The following NBAS variants were observed in gnomAD, a reference collection of about 807,000 sequenced individuals.
NBAS encodes NBAS subunit of NRZ tethering complex.
Under a neutral mutation model 302.5 loss-of-function variants are expected in NBAS, and 219 were observed. The ratio of observed to expected loss-of-function variants is 0.72; its 90% CI spans 0.65 to 0.81. NBAS has a LOEUF of 0.81. NBAS is among the 30% of genes least tolerant of loss of function. The pLI is 0.00. For synonymous variants in NBAS, 1,118 were observed against 1,021.6 expected (o/e 1.09, Z -1.80); for missense variants, 2,932 against 2,841.6 (o/e 1.03, Z -0.72).
the NBAS span, among the ~76,000 whole-genome samples, chr2:15,020,617 C>T: frequency 2.4e-4 from 36 of 152,138 alleles, no homozygotes; most frequent in African/African-American, 8.2e-4. Context: ...GGAAATTTGA[C>T]ATGGGGGGTG....
chr2:15,030,175 T>C, the NBAS span, among the ~76,000 whole-genome samples: 1 of 151,900 alleles, frequency 6.6e-6, no homozygotes, highest in African/African-American at 2.4e-5. Flanking sequence ...GTGTGGAAGG[T>C]GATGTTTTTA....
chr2:15,319,573 C>T (rs773982982), intron 38 of NBAS, among the ~76,000 whole-genome samples: 8 of 151,870 alleles, frequency 5.3e-5, no homozygotes, highest in Non-Finnish European at 8.8e-5. Flanking sequence ...ATATCACCAC[C>T]GATCCCACAG....
the NBAS span, among the ~76,000 whole-genome samples, chr2:14,829,784 G>A: frequency 5.0e-4 from 76 of 152,332 alleles, no homozygotes; most frequent in South Asian, 0.015. Context: ...CACAAAAACC[G>A]AGTGAGTAAA....
At position 15,440,019 on chromosome 2, in the gene NBAS, G is replaced by A. The variant is rs182383978; in HGVS notation, c.2340-12225C>T. On this transcript the variant is annotated intron_variant, in intron 21 of 51. Transcript: ENST00000281513. The stretch of plus-strand genomic sequence containing the variant: ...AGCAGGCGGGAAGCTCGAACTGGGC[G>A]GAGCCCACCACAGCTCAAGGAGGCC... 7.5e-3 allele frequency among the ~76,000 whole-genome samples: 1,147 copies of A among 152,362 alleles called. 13 individuals are homozygous for A. Among genetic ancestry groups the A allele is most frequent in the African/African-American group, 0.026 (1,069 of 41,592 alleles).
intron 9 of NBAS, among the ~76,000 whole-genome samples, chr2:15,533,874 G>A (rs1471886238): frequency 6.6e-6 from 1 of 152,072 alleles, no homozygotes; most frequent in Non-Finnish European, 1.5e-5. Flanking sequence ...TAAACACAGA[G>A]TAAATCTCAA....
At chr2:14,823,472 A>T in the NBAS span, among the ~76,000 whole-genome samples, 2 of 152,226 alleles carry the variant, frequency 1.3e-5, no homozygotes, top group Non-Finnish European at 2.9e-5. Flanking sequence ...AGGAAACAGA[A>T]CCTAGATACA....
rs1439104128 is a variant in NBAS at position 15,227,784 on chromosome 2, G to GA, written c.6236+4637dup. 3.3e-5 allele frequency among the ~76,000 whole-genome samples: 5 copies of GA among 152,132 alleles called. No individual in the cohort carries two copies. In the South Asian group the frequency reaches 8.3e-4, roughly 25 times the overall value. On this transcript the variant is annotated intron_variant, in intron 47 of 51. Coordinates refer to ENST00000281513, the MANE Select transcript of NBAS (RefSeq NM_015909.4). ...TGCTGAGAAAATTAGATAACCACAC[G>GA]AAAAAGAATGAAACTGGACTTCTAT... is the stretch of plus-strand genomic sequence containing the variant.
intron 16 of NBAS, 148 bp downstream of exon 16, chr2:15,473,074 A>T: frequency 1.1e-6 from 1 of 883,812 alleles, no homozygotes; most frequent in East Asian, 2.8e-5. Flanking sequence ...TCTAACAAAA[A>T]GACCATTTTT....
chr2:14,862,141 C>A, the NBAS span, among the ~76,000 whole-genome samples: 2 of 135,728 alleles, frequency 1.5e-5, no homozygotes, highest in East Asian at 1.9e-4. Context: ...TTTATTTAAG[C>A]ATTTTTTTTT....
At chr2:15,319,134 G>T (rs1177854564) in intron 38 of NBAS, among the ~76,000 whole-genome samples, 2 of 152,140 alleles carry the variant, frequency 1.3e-5, no homozygotes. Context: ...TGAACAACCT[G>T]CTCCTGAATA....
intron 23 of NBAS, among the ~76,000 whole-genome samples, chr2:15,423,032 G>A (rs997867887): frequency 2.0e-5 from 3 of 152,146 alleles, no homozygotes; most frequent in South Asian, 2.1e-4. Context: ...AACAACCTAC[G>A]TGGAGTTGAT....
intron 19 of NBAS, among the ~76,000 whole-genome samples, chr2:15,466,473 T>C (rs1283522596): frequency 2.0e-5 from 3 of 152,186 alleles, no homozygotes; most frequent in African/African-American, 7.2e-5. Context: ...TTTAACAATA[T>C]CTAAGTTGGT....
chr2:15,517,779 G>A (rs1019448042), intron 9 of NBAS, among the ~76,000 whole-genome samples: 1 of 152,122 alleles, frequency 6.6e-6, no homozygotes, highest in African/African-American at 2.4e-5. Context: ...ATAGAGTATC[G>A]TTTGCTTGCC....
intron 9 of NBAS, among the ~76,000 whole-genome samples, chr2:15,534,231 T>C (rs962514030): frequency 6.6e-6 from 1 of 152,112 alleles, no homozygotes; most frequent in Non-Finnish European, 1.5e-5. Flanking sequence ...TAGCACTAGT[T>C]CTCTCACTAA....
the NBAS span, among the ~76,000 whole-genome samples, chr2:14,812,416 C>T: frequency 3.3e-5 from 5 of 152,190 alleles, no homozygotes; most frequent in African/African-American, 1.2e-4. Context: ...ACAAGTCCCC[C>T]ACAATCTCTA....
At chr2:14,783,901 C>A in the NBAS span, among the ~76,000 whole-genome samples, 4 of 150,804 alleles carry the variant, frequency 2.7e-5, no homozygotes, top group Non-Finnish European at 5.9e-5. Context: ...GCCACACTGA[C>A]TTCCACAATG....
Position 15,478,185 on chromosome 2 carries a change from A to G in NBAS, c.1147+41T>C, listed in dbSNP as rs767919329. ...AAAGAGAATCTTGTATAATAATAGGAGTATATTAAGGTTTCAATTATCACA... is the reference window on the plus strand; with the variant it reads ...AAAGAGAATCTTGTATAATAATAGGGGTATATTAAGGTTTCAATTATCACA... On this transcript the variant is annotated intron_variant, in intron 13 of 51. Coordinates refer to ENST00000281513, the MANE Select transcript of NBAS (RefSeq NM_015909.4). The G allele has an allele frequency of 1.4e-5, 17 of 1,247,558 alleles. No individual in the cohort carries two copies. The East Asian group carries it at 3.9e-4, about 29-fold the overall frequency. 77.3% of individuals were successfully genotyped at this position (1,247,558 alleles called of 1,614,324 possible). A position where few individuals can be genotyped will look rare whatever the true frequency, so the allele number is the denominator to read the frequency against.
At chr2:15,185,473 T>C (rs1665031797) in intron 50 of NBAS, among the ~76,000 whole-genome samples, 1 of 152,310 alleles carries the variant, frequency 6.6e-6, no homozygotes, top group Middle Eastern at 3.4e-3. Context: ...TATTTACATG[T>C]TGCTTACTTT....
intron 44 of NBAS, among the ~76,000 whole-genome samples, chr2:15,247,408 G>A (rs984596592): frequency 6.6e-6 from 1 of 152,040 alleles, no homozygotes; most frequent in Non-Finnish European, 1.5e-5. Flanking sequence ...AATGTAAACA[G>A]GCTAAATGCC....
Sources: gnomAD v4.1 joint callset for allele counts (sites outside exome capture counted in the v4.1 genomes callset) on GRCh38, gnomAD v4.1.1 for gene constraint, MANE v1.5 for transcripts, NCBI Gene and HGNC (gene_info 2026-07-23, HGNC 2026-07-21) for gene names.